The following GGA3 variants were observed in gnomAD, a reference collection of about 807,000 sequenced individuals.
GGA3 encodes the protein ADP-ribosylation factor-binding protein GGA3.
Under a neutral mutation model 77.5 loss-of-function variants are expected in GGA3, and 57 were observed. The ratio of observed to expected loss-of-function variants is 0.74; its 90% CI spans 0.59 to 0.92. The LOEUF (loss-of-function observed/expected upper bound fraction) is 0.92. Among genes scored for constraint, GGA3 ranks in the 40% least tolerant of loss-of-function variants. The pLI is 0.00. For synonymous variants in GGA3, 416 were observed against 383.7 expected (o/e 1.08, Z -0.98); for missense variants, 970 against 914.9 (o/e 1.06, Z -0.78).
At chr17:75,261,928 C>A (rs748923000), upstream of GGA3, 2 of 1,608,808 alleles carry the variant, frequency 1.2e-6, no homozygotes, top group Admixed American at 3.3e-5. Context: ...GAAGGTTGCC[C>A]GAGGATGGTC....
At chr17:75,258,893 C>G (rs1598457817) in intron 1 of GGA3, among the ~76,000 whole-genome samples, 1 of 150,756 alleles carries the variant, frequency 6.6e-6, no homozygotes, top group East Asian at 2.0e-4. Context: ...AATGAATCAT[C>G]TCTTCCCCCA....
rs377145307 is a variant in GGA3 at position 75,239,786 on chromosome 17, T to G, written c.1583+3A>C. 2 of 1,613,348 alleles carry G rather than the reference T, an allele frequency of 1.2e-6. No homozygotes were observed. Among genetic ancestry groups the G allele is most frequent in the Non-Finnish European group, 1.7e-6 (2 of 1,179,948 alleles). ...CAACCCCACATCTCCTCCCACTCAT[T>G]ACACTTTGGCCTCTTCTAGAAGCTG... On this transcript the variant is annotated splice_donor_region_variant and intron_variant, in intron 13 of 16. Transcript: ENST00000537686.
chr17:75,243,844 T>C (rs1298795942), intron 4 of GGA3, among the ~76,000 whole-genome samples: 2 of 152,130 alleles, frequency 1.3e-5, no homozygotes, highest in African/African-American at 4.8e-5. Flanking sequence ...ATGACCTTAC[T>C]CATCTGCACA....
Position 75,237,763 on chromosome 17 carries a change from TC to T in GGA3, c.*515del. ...GTTCCTTATTCTGGGCCAGGCACCT[TC>T]CTGGGCCACCTCCCTGGGGATGGCA... On this transcript the variant is annotated 3_prime_UTR_variant, in exon 17 of 17. Coordinates refer to ENST00000537686, the MANE Select transcript of GGA3 (RefSeq NM_138619.4). 7.0e-7 allele frequency: 1 copy of T among 1,430,070 alleles called. No homozygotes were observed. The highest frequency in any genetic ancestry group is 9.1e-7 in the Non-Finnish European group (1 of 1,096,720). 88.6% of individuals were successfully genotyped at this position (1,430,070 alleles called of 1,614,324 possible).
Position 75,246,604 on chromosome 17 carries a change from C to T in GGA3, c.126-20G>A, listed in dbSNP as rs1465208486. The T allele has an allele frequency of 1.9e-6, 3 of 1,608,502 alleles. No homozygotes were observed. Among genetic ancestry groups the T allele is most frequent in the Non-Finnish European group, 2.6e-6 (3 of 1,174,918 alleles). ...TGTGGCCTGGGGGACAAGCAGAACA[C>T]ACTCCAGTGCACTAAGCCTGGGGCT... On this transcript the variant is annotated intron_variant, in intron 2 of 16. Transcript: ENST00000537686.
In GGA3 at chr17:75,242,410, CGTT is replaced by C. The variant is rs769911242; in HGVS notation, c.670_672del (p.Asn224del). On this transcript the variant is annotated inframe_deletion, in exon 8 of 17. Coordinates refer to ENST00000537686, the MANE Select transcript of GGA3 (RefSeq NM_138619.4). ...AGCAGCATCTCACTGAGCAGTCTCA[CGTT>C]GTTGTTAACTTCCTCTAACGTGTGC... 16 of 1,614,038 alleles carry C rather than the reference CGTT, an allele frequency of 9.9e-6. No homozygotes were observed. Among genetic ancestry groups the C allele is most frequent in the Admixed American group, 1.7e-5 (1 of 60,004 alleles).
chr17:75,262,099 A>C, upstream of GGA3: 1 of 1,248,126 alleles, frequency 8.0e-7, no homozygotes, highest in Non-Finnish European at 1.1e-6. Flanking sequence ...ATCTGGATTC[A>C]AGCTTCTAAG....
At chr17:75,255,149 C>T (rs568488369) in intron 1 of GGA3, among the ~76,000 whole-genome samples, 21 of 152,230 alleles carry the variant, frequency 1.4e-4, no homozygotes, top group Admixed American at 2.0e-4. Flanking sequence ...TTAATCAATA[C>T]GGAGGCTACC....
chr17:75,238,861 C>T, intron 15 of GGA3, 53 bp downstream of exon 15: 1 of 1,601,400 alleles, frequency 6.2e-7, no homozygotes, highest in Non-Finnish European at 8.5e-7. Flanking sequence ...GCAAAGGCCT[C>T]TACACAACAG....
chr17:75,248,811 A>G, intron 1 of GGA3: 1 of 793,774 alleles, frequency 1.3e-6, no homozygotes, highest in South Asian at 7.3e-5. Flanking sequence ...CAAAAACAAA[A>G]AAAACAAAAC....
At chr17:75,247,357 G>C (rs1302122555) in intron 1 of GGA3, among the ~76,000 whole-genome samples, 2 of 151,882 alleles carry the variant, frequency 1.3e-5, no homozygotes, top group Non-Finnish European at 2.9e-5. Flanking sequence ...CTGCCTCCCG[G>C]GTTCAAGTGA....
intron 14 of GGA3, 31 bp downstream of exon 14, chr17:75,239,344 G>T: frequency 6.7e-7 from 1 of 1,498,084 alleles, no homozygotes; most frequent in Non-Finnish European, 9.0e-7. Flanking sequence ...AGGCCCCACC[G>T]CCCCACCCAC....
At chr17:75,259,510 A>G (rs141768748) in intron 1 of GGA3, among the ~76,000 whole-genome samples, 10 of 152,342 alleles carry the variant, frequency 6.6e-5, no homozygotes, top group African/African-American at 2.4e-4. Context: ...CAGACTGAGT[A>G]GAGCAGGAAA....
intron 1 of GGA3, among the ~76,000 whole-genome samples, chr17:75,254,049 T>C (rs1399304120): frequency 6.6e-6 from 1 of 152,160 alleles, no homozygotes. Flanking sequence ...TGGTCTGAGG[T>C]GCCTCACATC....
Position 75,239,438 on chromosome 17 carries a change from G to C in GGA3, c.1717C>G (p.Pro573Ala), listed in dbSNP as rs765002892. 6.3e-7 allele frequency: 1 copy of C among 1,578,922 alleles called. No individual in the cohort carries two copies. Among genetic ancestry groups the C allele is most frequent in the Non-Finnish European group, 8.5e-7 (1 of 1,170,116 alleles). Residue 573 changes from proline (P) to alanine (A), a missense_variant, in exon 14 of 17, where the codon CCC (proline) becomes GCC (alanine). Coordinates refer to ENST00000537686, the MANE Select transcript of GGA3 (RefSeq NM_138619.4). ...AGGGAGAGCTCAGGCCCCTTCGGGG[G>C]GCTGCCCTGGGACTGGAAACTCAGT... is the stretch of plus-strand genomic sequence containing the variant. The part of the protein sequence containing the change: ...QPLSFQSQGS[P>A]PKGPELSLAS...
rs1417227370 is a variant in GGA3, at chr17:75,238,338, T to C, written c.2113A>G (p.Ser705Gly). The C allele has an allele frequency of 6.2e-7, 1 of 1,613,914 alleles. No individual in the cohort carries two copies. The highest frequency in any genetic ancestry group is 8.5e-7 in the Non-Finnish European group (1 of 1,179,986). The change falls in exon 17 of 17, where the codon AGC becomes GGC. Residue 705 changes from serine to glycine, a missense_variant. Transcript: ENST00000537686. The stretch of plus-strand genomic sequence containing the variant: ...TGGTCCACCTCGCCCACCTCTGTGC[T>C]CAGCTGCTCCCCCAGGGCGAAGGTC... ...KLTFALGEQLSTEVGEVDQFP... is the reference protein window; with the variant it reads ...KLTFALGEQLGTEVGEVDQFP...
chr17:75,239,361 C>A lies in GGA3; in HGVS notation c.1780+14G>T. 1 of 1,527,482 alleles carries A rather than the reference C, an allele frequency of 6.5e-7. No homozygotes were observed. Among genetic ancestry groups the A allele is most frequent in the South Asian group, 1.3e-5 (1 of 76,126 alleles). The allele number at this position is 1,527,482 out of a possible 1,614,324, so 94.6% of individuals were successfully genotyped here. ...GCCCCACCGCCCCACCCACCTCAAT[C>A]CTCCAACACCTACTAGGCTTGATCG... On this transcript the variant is annotated intron_variant, in intron 14 of 16. Transcript: ENST00000537686.
intron 1 of GGA3, among the ~76,000 whole-genome samples, chr17:75,247,246 C>T (rs2076791693): frequency 6.6e-6 from 1 of 150,760 alleles, no homozygotes. Context: ...TAAAAAAATA[C>T]ATATTTGTAA....
intron 1 of GGA3, among the ~76,000 whole-genome samples, chr17:75,254,649 C>G (rs2077080980): frequency 6.6e-6 from 1 of 152,190 alleles, no homozygotes. Flanking sequence ...AACCCCACAA[C>G]AGGACTTAAT....
Sources: allele counts gnomAD v4.1 joint callset (sites outside exome capture counted in the v4.1 genomes callset), GRCh38; gene constraint gnomAD v4.1.1; transcripts MANE v1.5; gene names NCBI Gene and HGNC (gene_info 2026-07-23, HGNC 2026-07-21).